TMEM182: variants seen among roughly 807,000 people sequenced by gnomAD.
TMEM182 encodes the protein transmembrane protein 182.
In TMEM182, 20 loss-of-function variants were observed where a neutral mutation model predicts 26.8. That is an observed-to-expected ratio of 0.75 (90% CI 0.53 to 1.09). The LOEUF (loss-of-function observed/expected upper bound fraction) is 1.09, where lower values mean the gene tolerates loss of function less well. TMEM182 is among the 50% of genes least tolerant of loss of function. The probability of loss-of-function intolerance (pLI) is 0.00; values close to 1 mark genes in which losing one functional copy is unlikely to be tolerated. For missense variants in TMEM182, 277 were observed against 275.5 expected (o/e 1.01, Z -0.04); for synonymous variants, 109 against 102.2 (o/e 1.07, Z -0.40).
Position 102,740,369 on chromosome 2 carries a change from T to G in TMEM182, c.-83+3356T>G, listed in dbSNP as rs538861511. ...ATAGTGAGTGAGTTCTCAAGAGTACTGATGGTTTTATAAGGGGCTTTTCCC... is the reference window on the plus strand; with the variant it reads ...ATAGTGAGTGAGTTCTCAAGAGTACGGATGGTTTTATAAGGGGCTTTTCCC... On this transcript the variant is annotated intron_variant, in intron 1 of 5. Coordinates refer to the TMEM182 transcript ENST00000409173. 2.0e-5 allele frequency among the ~76,000 whole-genome samples: 3 copies of G among 152,252 alleles called. No homozygotes were observed. In the South Asian group the frequency reaches 6.2e-4, roughly 32 times the overall value.
intron 1 of TMEM182, among the ~76,000 whole-genome samples, chr2:102,753,910 G>A (rs1679958264): frequency 1.3e-5 from 2 of 152,126 alleles, no homozygotes; most frequent in African/African-American, 4.8e-5. Flanking sequence ...TGTTGTTCTT[G>A]TACTATATGT....
chr2:102,799,401 C>T (rs998442426), intron 4 of TMEM182, among the ~76,000 whole-genome samples: 29 of 152,138 alleles, frequency 1.9e-4, no homozygotes, highest in African/African-American at 6.8e-4. Context: ...CCAAGAGGAA[C>T]AGAAGGTTCC....
Position 102,817,046 on chromosome 2 carries a change from C to A in TMEM182, c.*2078C>A. ...TTGGAACTATTTTATAGTTGTAATG[C>A]ATCAATCAAATACATTTCAAGCACA... On this transcript the variant is annotated 3_prime_UTR_variant, in exon 5 of 5. Coordinates refer to ENST00000412401, the MANE Select transcript of TMEM182 (RefSeq NM_144632.5). 1 of 985,594 alleles carries A rather than the reference C, an allele frequency of 1.0e-6. No individual in the cohort carries two copies. The highest frequency in any genetic ancestry group is 1.2e-6 in the Non-Finnish European group (1 of 829,898). 61.1% of individuals were successfully genotyped at this position (985,594 alleles called of 1,614,324 possible).
chr2:102,821,182 C>A (rs1156962018), downstream of TMEM182, among the ~76,000 whole-genome samples: 1 of 152,142 alleles, frequency 6.6e-6, no homozygotes, highest in African/African-American at 2.4e-5. Flanking sequence ...TAATGTGTAG[C>A]CTGCATTATG....
At chr2:102,776,132 A>G (rs1254149617) in intron 3 of TMEM182, among the ~76,000 whole-genome samples, 1 of 152,168 alleles carries the variant, frequency 6.6e-6, no homozygotes, top group East Asian at 1.9e-4. Flanking sequence ...TATTATTAAC[A>G]TCTTGCTTTA....
chr2:102,831,137 A>G (rs1439485018), intron 3 of TMEM182, among the ~76,000 whole-genome samples: 1 of 152,150 alleles, frequency 6.6e-6, no homozygotes, highest in African/African-American at 2.4e-5. Flanking sequence ...TCTAAATCTT[A>G]GCTACTGTGA....
At chr2:102,775,286 A>G (rs1680862170) in intron 3 of TMEM182, 1 of 152,214 alleles carries the variant, frequency 6.6e-6, no homozygotes, top group Non-Finnish European at 1.5e-5. Context: ...AAAGACAAAA[A>G]CCACATGATT....
In TMEM182 at chr2:102,827,670, G is replaced by A. The variant is rs574596848; in HGVS notation, c.326-15742G>A. Reference sequence around the variant, plus strand: ...AGCCTATGACAAGATTTGGAGGTGCGGTTGAGTGCTGAGTGTTAGGAAAGC... The same window carrying A: ...AGCCTATGACAAGATTTGGAGGTGCAGTTGAGTGCTGAGTGTTAGGAAAGC... On this transcript the variant is annotated intron_variant, in intron 3 of 3. Transcript: ENST00000486293. Among the ~76,000 whole-genome samples, 4 of 152,280 alleles carry A rather than the reference G, an allele frequency of 2.6e-5. No homozygotes were observed. In the East Asian group the frequency reaches 5.8e-4, roughly 22 times the overall value.
At chr2:102,758,500 G>A, upstream of TMEM182, 2 of 716,892 alleles carry the variant, frequency 2.8e-6, no homozygotes, top group Non-Finnish European at 5.2e-6. Context: ...GTCTTCATTA[G>A]CAAAAGTCTA....
At chr2:102,774,387 C>A (rs577752276) in intron 3 of TMEM182, among the ~76,000 whole-genome samples, 2 of 150,966 alleles carry the variant, frequency 1.3e-5, no homozygotes, top group East Asian at 3.9e-4. Flanking sequence ...TCCTGAGTAG[C>A]CGGGATTACA....
At chr2:102,774,914 A>T (rs555980287) in intron 3 of TMEM182, among the ~76,000 whole-genome samples, 12 of 152,164 alleles carry the variant, frequency 7.9e-5, no homozygotes, top group Admixed American at 3.3e-4. Flanking sequence ...CTTCTTTTTT[A>T]AAAAAATTGT....
chr2:102,826,121 G>A (rs769152788), intron 3 of TMEM182, among the ~76,000 whole-genome samples: 5 of 152,068 alleles, frequency 3.3e-5, no homozygotes, highest in African/African-American at 7.2e-5. Flanking sequence ...ATGGGACCAT[G>A]GGTATCTCAT....
intron 1 of TMEM182, among the ~76,000 whole-genome samples, chr2:102,752,226 T>G (rs1225334585): frequency 1.3e-5 from 2 of 152,228 alleles, no homozygotes; most frequent in African/African-American, 4.8e-5. Flanking sequence ...AGTGGATGAT[T>G]GTGGAGAGCA....
At position 102,816,835 on chromosome 2, in the gene TMEM182, T is replaced by C; in HGVS notation, c.*1867T>C. 1.0e-6 allele frequency: 1 copy of C among 985,836 alleles called. No individual in the cohort carries two copies. The highest frequency in any genetic ancestry group is 1.7e-5 in the African/African-American group (1 of 57,378). The allele number at this position is 985,836 out of a possible 1,614,324, so 61.1% of individuals were successfully genotyped here. Reference sequence around the variant, plus strand: ...TTTTGTAGTACTTTGGAATGGAGCCTTTTTCTGGTGTACTGTATGCCATTT... The same window carrying C: ...TTTTGTAGTACTTTGGAATGGAGCCCTTTTCTGGTGTACTGTATGCCATTT... On this transcript the variant is annotated 3_prime_UTR_variant, in exon 5 of 5. Coordinates refer to ENST00000412401, the MANE Select transcript of TMEM182 (RefSeq NM_144632.5).
chr2:102,831,319 T>A (rs770709654), intron 3 of TMEM182, among the ~76,000 whole-genome samples: 3 of 152,230 alleles, frequency 2.0e-5, no homozygotes, highest in Non-Finnish European at 4.4e-5. Flanking sequence ...GGACAAGTGT[T>A]CCCTTTTCTC....
intron 3 of TMEM182, among the ~76,000 whole-genome samples, chr2:102,832,102 T>C (rs767954640): frequency 1.3e-5 from 2 of 152,220 alleles, no homozygotes; most frequent in African/African-American, 2.4e-5. Context: ...CCATTCTTGA[T>C]GGATACAGTG....
At chr2:102,798,120 C>A in intron 4 of TMEM182, 120 bp downstream of exon 4, 1 of 1,283,190 alleles carries the variant, frequency 7.8e-7, no homozygotes, top group Non-Finnish European at 1.1e-6. Flanking sequence ...TATTTGTATA[C>A]AATACTTCTT....
upstream of TMEM182, chr2:102,758,516 G>T (rs1476783858): frequency 1.4e-6 from 1 of 716,666 alleles, no homozygotes; most frequent in South Asian, 1.5e-5. Context: ...GTCTAATAAG[G>T]ATTTGTTAAA....
intron 2 of TMEM182, among the ~76,000 whole-genome samples, chr2:102,763,158 A>G (rs1680286761): frequency 6.6e-6 from 1 of 152,192 alleles, no homozygotes; most frequent in Non-Finnish European, 1.5e-5. Context: ...GAACTTAATT[A>G]CCAGCCATGG....
Sources: allele counts gnomAD v4.1 joint callset (sites outside exome capture counted in the v4.1 genomes callset), GRCh38; gene constraint gnomAD v4.1.1; transcripts MANE v1.5; gene names NCBI Gene and HGNC (gene_info 2026-07-23, HGNC 2026-07-21).